The following WNT8B variants were observed in gnomAD, a reference collection of about 807,000 sequenced individuals.
WNT8B encodes the protein protein Wnt-8b.
A neutral mutation model predicts 36.6 loss-of-function variants in WNT8B; 24 were observed. The observed-to-expected ratio is 0.66, with a 90% CI of 0.48 to 0.92. The LOEUF (loss-of-function observed/expected upper bound fraction) is 0.92. Ranked by LOEUF, WNT8B falls within the 40% of genes least tolerant of loss-of-function variation. The probability of loss-of-function intolerance (pLI) is 0.00; values close to 1 mark genes in which losing one functional copy is unlikely to be tolerated. For missense variants in WNT8B, 402 were observed against 470.8 expected, an observed-to-expected ratio of 0.85 and a Z score of 1.35; for synonymous variants, 199 against 189.8, an observed-to-expected ratio of 1.05 and a Z score of -0.40.
chr10:100,471,009 C>T (rs1180813570), intron 1 of WNT8B, among the ~76,000 whole-genome samples: 5 of 152,214 alleles, frequency 3.3e-5, no homozygotes, highest in Admixed American at 6.5e-5. Flanking sequence ...TCCCAAAGTG[C>T]TGGGATTACA....
intron 1 of WNT8B, among the ~76,000 whole-genome samples, chr10:100,472,246 G>C (rs894134598): frequency 2.0e-5 from 3 of 150,402 alleles, no homozygotes; most frequent in African/African-American, 7.3e-5. Flanking sequence ...AAGTAGCTGG[G>C]ACTACAGGCA....
At position 100,463,068 on chromosome 10, in the gene WNT8B, T is replaced by G; in HGVS notation, c.-101T>G. 8.8e-7 allele frequency: 1 copy of G among 1,130,210 alleles called. No homozygotes were observed. Among genetic ancestry groups the G allele is most frequent in the Non-Finnish European group, 1.3e-6 (1 of 767,766 alleles). The allele number at this position is 1,130,210 out of a possible 1,614,324, so 70.0% of individuals were successfully genotyped here. A position where few individuals can be genotyped will look rare whatever the true frequency, so the allele number is the denominator to read the frequency against. ...CTTACACACCAAGGAAGTTGGGCTT[T>G]GAGAATTCCATCCCACTGGCACTGA... On this transcript the variant is annotated 5_prime_UTR_variant, in exon 1 of 6. Coordinates refer to ENST00000343737, the MANE Select transcript of WNT8B (RefSeq NM_003393.4).
At position 100,482,185 on chromosome 10, in the gene WNT8B, A is replaced by G; in HGVS notation, c.511-86A>G. On this transcript the variant is annotated intron_variant, in intron 5 of 5. Transcript: ENST00000343737. The surrounding 1 kb of genome is among the most constrained non-coding windows in gnomAD (Gnocchi z 6.6). The stretch of plus-strand genomic sequence containing the variant: ...ACCAAGTGGGCTGGCCCAGTAGACT[A>G]ACTAGACTTCTCGCAACTCCCACAG... The G allele has an allele frequency of 1.3e-6, 2 of 1,536,772 alleles. No individual in the cohort carries two copies. Among genetic ancestry groups the G allele is most frequent in the South Asian group, 1.2e-5 (1 of 81,092 alleles).
chr10:100,480,942 G>A, intron 3 of WNT8B, 56 bp from the exon 4 acceptor site: 1 of 1,589,202 alleles, frequency 6.3e-7, no homozygotes, highest in Non-Finnish European at 8.6e-7. Context: ...AGCATGTCTG[G>A]TATTTCTTTA....
intron 1 of WNT8B, among the ~76,000 whole-genome samples, chr10:100,474,308 C>T (rs1331260145): frequency 6.6e-6 from 1 of 151,070 alleles, no homozygotes; most frequent in East Asian, 1.9e-4. Flanking sequence ...ATATAGCAGC[C>T]TCCATTTGTT....
intron 1 of WNT8B, among the ~76,000 whole-genome samples, chr10:100,472,297 C>T (rs1192572292): frequency 1.3e-5 from 2 of 151,418 alleles, no homozygotes; most frequent in African/African-American, 2.4e-5. Context: ...TTTTTAGTAG[C>T]GACGGGGTTT....
chr10:100,465,905 A>T (rs1286029824), intron 1 of WNT8B, among the ~76,000 whole-genome samples: 2 of 152,140 alleles, frequency 1.3e-5, no homozygotes, highest in Non-Finnish European at 2.9e-5. Context: ...TTGAATCCAT[A>T]TTCTCACCAA....
rs1178021435 is a variant in WNT8B, at chr10:100,481,999, C to T, written c.455C>T (p.Thr152Ile). The T allele has an allele frequency of 2.5e-6, 4 of 1,614,062 alleles. No individual in the cohort carries two copies. Among genetic ancestry groups the T allele is most frequent in the Non-Finnish European group, 2.5e-6 (3 of 1,180,054 alleles). The change falls in exon 5 of 6, where the codon ACA becomes ATA. Residue 152 changes from threonine (T) to isoleucine (I), a missense_variant. Coordinates refer to ENST00000343737, the MANE Select transcript of WNT8B (RefSeq NM_003393.4). ...AAGCAGTTTGTCGATGCCCTGGAAACAGGACAGGATGCACGGGCAGCCATG... is the reference window on the plus strand; with the variant it reads ...AAGCAGTTTGTCGATGCCCTGGAAATAGGACAGGATGCACGGGCAGCCATG... ...ISKQFVDALE[T>I]GQDARAAMNL... is the part of the protein sequence containing the mutation.
At chr10:100,478,726 C>T (rs1209727323) in intron 1 of WNT8B, among the ~76,000 whole-genome samples, 2 of 151,982 alleles carry the variant, frequency 1.3e-5, no homozygotes, top group African/African-American at 2.4e-5. Context: ...GGACTACAGG[C>T]GCCTGCCACC....
chr10:100,463,289 G>A (rs1483419319), intron 1 of WNT8B, 53 bp downstream of exon 1: 1 of 1,551,132 alleles, frequency 6.4e-7, no homozygotes, highest in African/African-American at 1.4e-5. Context: ...TGTATGTAAT[G>A]TGTTGGGTAA....
chr10:100,469,517 G>T (rs1486582938), intron 1 of WNT8B, among the ~76,000 whole-genome samples: 3 of 152,214 alleles, frequency 2.0e-5, no homozygotes, highest in African/African-American at 7.2e-5. Flanking sequence ...GAATAGGTAA[G>T]AATTAGTCAT....
intron 3 of WNT8B, among the ~76,000 whole-genome samples, chr10:100,480,416 T>C (rs796169221): frequency 1.1e-4 from 17 of 152,220 alleles, no homozygotes; most frequent in African/African-American, 3.6e-4. Context: ...ATGGAGAAGA[T>C]AAAGAGTGGC....
Position 100,482,519 on chromosome 10 carries a change from G to C in WNT8B, c.759G>C (p.Pro253=), listed in dbSNP as rs774792848. ...TRELVHLEDS[P]DYCLENKTLG... ...AGCTGGTGCACCTGGAGGACTCCCC[G>C]GACTACTGCCTGGAGAACAAAACGC... Residue 253 remains proline, a synonymous_variant, in exon 6 of 6, where the codon CCG becomes CCC. Coordinates refer to ENST00000343737, the MANE Select transcript of WNT8B (RefSeq NM_003393.4). The surrounding 1 kb of genome is among the most constrained non-coding windows in gnomAD (Gnocchi z 6.6). 1.9e-6 allele frequency: 3 copies of C among 1,600,322 alleles called. No homozygotes were observed. In the Admixed American group the frequency reaches 5.0e-5, roughly 27 times the overall value.
intron 3 of WNT8B, among the ~76,000 whole-genome samples, chr10:100,480,685 C>T (rs1019205706): frequency 7.9e-5 from 12 of 152,030 alleles, no homozygotes; most frequent in Non-Finnish European, 1.8e-4. Context: ...AGGGATGGGG[C>T]AGACCATGCA....
chr10:100,481,912 G>T lies in WNT8B; in HGVS notation c.368G>T (p.Gly123Val). 6.2e-7 allele frequency: 1 copy of T among 1,614,066 alleles called. No homozygotes were observed. Among genetic ancestry groups the T allele is most frequent in the Non-Finnish European group, 8.5e-7 (1 of 1,179,998 alleles). Residue 123 changes from glycine (G) to valine (V), a missense_variant and splice_region_variant, in exon 5 of 6, where the codon GGG becomes GTG. Gly to Val is a moderately radical substitution (Grantham distance 109). This residue lies in a region of WNT8B where 131 missense variants were observed against 152.6 expected (regional missense o/e 0.86). Coordinates refer to ENST00000343737, the MANE Select transcript of WNT8B (RefSeq NM_003393.4). ...GCDDSRNGQL[G>V]GQGWLWGGCS... ...CTGTCCTCCCTCTGCACTTTTCCAG[G>T]GGGACAAGGCTGGCTGTGGGGAGGC...
chr10:100,471,971 G>T (rs1378983817), intron 1 of WNT8B, among the ~76,000 whole-genome samples: 1 of 151,974 alleles, frequency 6.6e-6, no homozygotes, highest in African/African-American at 2.4e-5. Context: ...GACATGGGCA[G>T]ATCACTTGAG....
intron 1 of WNT8B, among the ~76,000 whole-genome samples, chr10:100,466,674 C>G (rs1249729252): frequency 1.3e-5 from 2 of 151,934 alleles, no homozygotes; most frequent in African/African-American, 4.8e-5. Flanking sequence ...TGTGCTATTA[C>G]ATAGTGACAA....
chr10:100,463,994 T>C (rs1850885201), intron 1 of WNT8B, among the ~76,000 whole-genome samples: 1 of 152,304 alleles, frequency 6.6e-6, no homozygotes, highest in East Asian at 1.9e-4. Flanking sequence ...CAGTACACAA[T>C]AACATACAGA....
intron 1 of WNT8B, among the ~76,000 whole-genome samples, chr10:100,477,379 C>T (rs1336428470): frequency 6.9e-6 from 1 of 143,958 alleles, no homozygotes; most frequent in African/African-American, 2.6e-5. Flanking sequence ...TGGCTCACTG[C>T]AAGCTCCATT....
Sources: allele counts gnomAD v4.1 joint callset (sites outside exome capture counted in the v4.1 genomes callset), GRCh38; gene constraint gnomAD v4.1.1; regional missense constraint gnomAD v4.1.1; non-coding constraint Gnocchi (gnomAD v3.1); transcripts MANE v1.5; gene names NCBI Gene and HGNC (gene_info 2026-07-23, HGNC 2026-07-21).